Variants in CSMD3 observed in about 807,000 individuals in gnomAD.
The protein encoded by CSMD3 is CUB and Sushi multiple domains 3, also known as CUB and sushi domain-containing protein 3.
In CSMD3, 177 loss-of-function variants were observed where a neutral mutation model predicts 435.2. The observed-to-expected ratio is 0.41, with a 90% CI of 0.36 to 0.46. The LOEUF is 0.46. Among genes scored for constraint, CSMD3 ranks in the 20% least tolerant of loss-of-function variants. The pLI is 0.34. For synonymous variants in CSMD3, 1,656 were observed against 1,520.5 expected (o/e 1.09, Z -2.07); for missense variants, 4,265 against 4,504.6 (o/e 0.95, Z 1.52).
intron 24 of CSMD3, among the ~76,000 whole-genome samples, chr8:112,564,636 C>T (rs1042708748): frequency 6.6e-6 from 1 of 152,036 alleles, no homozygotes; most frequent in African/African-American, 2.4e-5. Flanking sequence ...CTGCCTGTAG[C>T]TGCTGGTGGA....
chr8:113,432,447 C>T (rs1004473241), intron 1 of CSMD3, among the ~76,000 whole-genome samples: 3 of 152,182 alleles, frequency 2.0e-5, no homozygotes, highest in African/African-American at 4.8e-5. Flanking sequence ...CTGTGTCAGC[C>T]CCTTAGCTGG....
intron 27 of CSMD3, among the ~76,000 whole-genome samples, chr8:112,520,080 C>G (rs779967187): frequency 4.6e-5 from 7 of 151,722 alleles, no homozygotes; most frequent in Non-Finnish European, 7.4e-5. Context: ...ATATTTGCAC[C>G]GATGTCAACA....
At chr8:112,817,148 T>C (rs2079397078) in intron 12 of CSMD3, among the ~76,000 whole-genome samples, 1 of 152,134 alleles carries the variant, frequency 6.6e-6, no homozygotes, top group Admixed American at 6.6e-5. Context: ...TTGTTTTCAT[T>C]TAGTTCTTAC....
chr8:113,214,858 T>C (rs1020204061), intron 3 of CSMD3, among the ~76,000 whole-genome samples: 22 of 151,890 alleles, frequency 1.4e-4, no homozygotes, highest in Admixed American at 1.1e-3. Flanking sequence ...AGATTAAATA[T>C]ATGGTGTTTC....
In CSMD3 at chr8:112,634,270, A is replaced by G. The variant is rs541350507; in HGVS notation, c.3715+2547T>C. 9.3e-4 allele frequency among the ~76,000 whole-genome samples: 141 copies of G among 152,038 alleles called. 1 individual carries two copies. The highest frequency in any genetic ancestry group is 4.0e-4 in the Non-Finnish European group (27 of 67,940). ...AAAAAAAACAAAATAAGAAATATACACATACGTGTGTTTAGAATCAGAAAT... is the reference window on the plus strand; with the variant it reads ...AAAAAAAACAAAATAAGAAATATACGCATACGTGTGTTTAGAATCAGAAAT... On this transcript the variant is annotated intron_variant, in intron 22 of 70. Coordinates refer to ENST00000297405, the MANE Select transcript of CSMD3 (RefSeq NM_198123.2).
chr8:113,296,979 C>T (rs980755598), intron 2 of CSMD3, among the ~76,000 whole-genome samples: 1 of 152,070 alleles, frequency 6.6e-6, no homozygotes, highest in Non-Finnish European at 1.5e-5. Context: ...TGGGCAGATA[C>T]AGGGTCATGC....
intron 1 of CSMD3, among the ~76,000 whole-genome samples, chr8:113,328,730 C>CTTTTTTTTTTTT (rs1433804259): frequency 1.9e-4 from 12 of 64,024 alleles, no homozygotes; most frequent in African/African-American, 8.5e-4. Flanking sequence ...TTCCTTCCTT[C>CTTTTTTTTTTTT]TTTTCTTTTT....
intron 27 of CSMD3, among the ~76,000 whole-genome samples, chr8:112,542,878 A>C (rs1185336271): frequency 1.3e-5 from 2 of 152,140 alleles, no homozygotes; most frequent in Admixed American, 6.6e-5. Context: ...CATATAGAAC[A>C]ATGGAAGAGA....
chr8:112,994,859 T>C (rs1473033663), intron 6 of CSMD3, among the ~76,000 whole-genome samples: 1 of 151,612 alleles, frequency 6.6e-6, no homozygotes, highest in East Asian at 1.9e-4. Flanking sequence ...CTCAGCCAAT[T>C]AAAAATGATA....
At chr8:112,405,928 G>A (rs1352179858) in intron 35 of CSMD3, among the ~76,000 whole-genome samples, 2 of 151,936 alleles carry the variant, frequency 1.3e-5, no homozygotes, top group African/African-American at 4.8e-5. Flanking sequence ...AACTGTAGTG[G>A]ACAAAAACAC....
At chr8:113,169,583 CAT>C (rs2092229551) in intron 4 of CSMD3, among the ~76,000 whole-genome samples, 1 of 152,054 alleles carries the variant, frequency 6.6e-6, no homozygotes, top group Non-Finnish European at 1.5e-5. Context: ...CTAATTTAGC[CAT>C]ATGTTTCCTA....
chr8:112,598,971 T>G (rs1310064457), intron 22 of CSMD3, among the ~76,000 whole-genome samples: 3 of 150,890 alleles, frequency 2.0e-5, no homozygotes, highest in Non-Finnish European at 4.4e-5. Context: ...AAGGACTTCA[T>G]GTCCAAAACA....
chr8:113,352,023 G>A (rs1156404115), intron 1 of CSMD3, among the ~76,000 whole-genome samples: 1 of 151,974 alleles, frequency 6.6e-6, no homozygotes, highest in Non-Finnish European at 1.5e-5. Context: ...CTCATCTAGA[G>A]TTTCCTTCCT....
In CSMD3 at chr8:112,652,458, A is replaced by G. The variant is rs377318809; in HGVS notation, c.3005-2109T>C. Among the ~76,000 whole-genome samples, 32 of 152,340 alleles carry G rather than the reference A, an allele frequency of 2.1e-4. 1 individual carries two copies. The highest frequency in any genetic ancestry group is 6.7e-4 in the African/African-American group (28 of 41,584). On this transcript the variant is annotated intron_variant, in intron 18 of 70. Coordinates refer to ENST00000297405, the MANE Select transcript of CSMD3 (RefSeq NM_198123.2). ...GGTCATATACAATGTAAATTACAGT[A>G]AAATTTAATTATTCAAAAGTGATTG...
intron 6 of CSMD3, among the ~76,000 whole-genome samples, chr8:112,983,507 A>C (rs538509584): frequency 6.6e-6 from 1 of 150,672 alleles, no homozygotes; most frequent in Non-Finnish European, 1.5e-5. Context: ...AGTATTGCCC[A>C]AAAAAATTAT....
At chr8:112,862,525 G>A (rs2129915565) in intron 10 of CSMD3, among the ~76,000 whole-genome samples, 1 of 152,056 alleles carries the variant, frequency 6.6e-6, no homozygotes, top group East Asian at 1.9e-4. Context: ...AAGACATGTA[G>A]AACAGACCTG....
Position 112,369,486 on chromosome 8 carries a change from G to T in CSMD3, c.6136+10866C>A, listed in dbSNP as rs367821338. Among the ~76,000 whole-genome samples, 24 of 152,166 alleles carry T rather than the reference G, an allele frequency of 1.6e-4. No homozygotes were observed. The East Asian group carries it at 4.1e-3, about 26-fold the overall frequency. ...TTTGGTGACCATCAATAATAGACTGGATAAAGAAAATGTAACACATATACA... is the reference window on the plus strand; with the variant it reads ...TTTGGTGACCATCAATAATAGACTGTATAAAGAAAATGTAACACATATACA... On this transcript the variant is annotated intron_variant, in intron 38 of 70. Coordinates refer to ENST00000297405, the MANE Select transcript of CSMD3 (RefSeq NM_198123.2).
chr8:112,609,475 C>T (rs1833082401), intron 22 of CSMD3, among the ~76,000 whole-genome samples: 1 of 151,914 alleles, frequency 6.6e-6, no homozygotes, highest in Non-Finnish European at 1.5e-5. Flanking sequence ...TACCACCTCA[C>T]ATCTGTTAGC....
intron 41 of CSMD3, among the ~76,000 whole-genome samples, chr8:112,343,632 TAAC>T (rs938942796): frequency 3.9e-5 from 6 of 152,262 alleles, no homozygotes; most frequent in African/African-American, 1.2e-4. Context: ...GACTTTTACT[TAAC>T]TTTTTGTTTT....
Sources: gnomAD v4.1 joint callset for allele counts (sites outside exome capture counted in the v4.1 genomes callset) on GRCh38, gnomAD v4.1.1 for gene constraint, MANE v1.5 for transcripts, NCBI Gene and HGNC (gene_info 2026-07-23, HGNC 2026-07-21) for gene names.